Variants in EFCC1 observed in about 807,000 individuals in gnomAD.
EFCC1 encodes the protein EF-hand and coiled-coil domain containing 1.
In EFCC1, 50 loss-of-function variants were observed where a neutral mutation model predicts 52.1. The observed-to-expected ratio is 0.96, with a 90% CI of 0.76 to 1.21. The LOEUF (loss-of-function observed/expected upper bound fraction) is 1.21, where lower values mean the gene tolerates loss of function less well. Ranked by LOEUF, EFCC1 falls within the 50% of genes most tolerant of loss-of-function variation. EFCC1 has a pLI of 0.00. For missense variants in EFCC1, 837 were observed against 867.3 expected (o/e 0.97, Z 0.44); for synonymous variants, 399 against 396.5 (o/e 1.01, Z -0.08).
chr3:129,016,884 G>T (rs909356806), intron 2 of EFCC1, among the ~76,000 whole-genome samples: 3 of 152,198 alleles, frequency 2.0e-5, no homozygotes, highest in Admixed American at 6.5e-5. Context: ...GCTTTATGCT[G>T]CAAGAACATA....
intron 7 of EFCC1, among the ~76,000 whole-genome samples, chr3:129,039,499 C>A (rs180717640): frequency 6.6e-6 from 1 of 152,226 alleles, no homozygotes; most frequent in African/African-American, 2.4e-5. Flanking sequence ...CTGAGCAGTC[C>A]CTGCCCTCAT....
chr3:129,030,869 C>T lies in EFCC1; in HGVS notation c.1138+9C>T, dbSNP rs1214522507. 6.5e-7 allele frequency: 1 copy of T among 1,545,988 alleles called. No individual in the cohort carries two copies. ...CAGAGCCCTGGATGAAGGTTTGTCCCCTGTGCGCCCAGTCTTCCTGCCAGG... is the reference window on the plus strand; with the variant it reads ...CAGAGCCCTGGATGAAGGTTTGTCCTCTGTGCGCCCAGTCTTCCTGCCAGG... On this transcript the variant is annotated intron_variant, in intron 3 of 7. Coordinates refer to ENST00000683648, the MANE Select transcript of EFCC1 (RefSeq NM_001377500.1).
chr3:129,031,863 G>A (rs1036306801), intron 3 of EFCC1, among the ~76,000 whole-genome samples: 6 of 152,182 alleles, frequency 3.9e-5, no homozygotes, highest in African/African-American at 1.4e-4. Flanking sequence ...CAAGTCTTGG[G>A]TTAACTCCAG....
rs576328186 is a variant in EFCC1 at position 129,001,396 on chromosome 3, T to G, written c.-233T>G. On this transcript the variant is annotated 5_prime_UTR_variant, in exon 1 of 8. Transcript: ENST00000683648. ...GACGCCGACCGGGCACTGGTGGCGC[T>G]GCCGGGGTCCCGGGGGTTCCTGGAC... Among the ~76,000 whole-genome samples, 4 of 152,296 alleles carry G rather than the reference T, an allele frequency of 2.6e-5. No individual in the cohort carries two copies. The highest frequency in any genetic ancestry group is 1.3e-4 in the Admixed American group (2 of 15,302).
At chr3:129,035,469 T>A (rs1244719251) in intron 5 of EFCC1, among the ~76,000 whole-genome samples, 1 of 152,338 alleles carries the variant, frequency 6.6e-6, no homozygotes, top group East Asian at 1.9e-4. Context: ...CAGAGGGGCC[T>A]GTTTGGGCTC....
In EFCC1 at chr3:129,003,930, A is replaced by G; in HGVS notation, c.833A>G (p.Gln278Arg). 5 of 1,377,600 alleles carry G rather than the reference A, an allele frequency of 3.6e-6. No homozygotes were observed. The highest frequency in any genetic ancestry group is 4.7e-6 in the Non-Finnish European group (5 of 1,069,504). The allele number at this position is 1,377,600 out of a possible 1,614,324, so 85.3% of individuals were successfully genotyped here. ...CGCGCTGGGCGGCTGCGCCGTGGCC[A>G]GGCCGAGGTGCGGCGGCGCGCGGAG... ...EARAGRLRRG[Q>R]AEVRRRAEEA... The change falls in exon 2 of 8, where the codon CAG becomes CGG. Residue 278 changes from glutamine to arginine, a missense_variant. Physicochemically the swap from Gln to Arg is conservative, Grantham distance 43. Coordinates refer to ENST00000683648, the MANE Select transcript of EFCC1 (RefSeq NM_001377500.1).
intron 5 of EFCC1, among the ~76,000 whole-genome samples, chr3:129,036,093 C>CA (rs1479894451): frequency 6.6e-6 from 1 of 152,192 alleles, no homozygotes. Flanking sequence ...AAGTCATAGC[C>CA]CTGTGGCTGG....
chr3:129,009,850 G>T (rs1428267122), intron 2 of EFCC1, among the ~76,000 whole-genome samples: 1 of 152,218 alleles, frequency 6.6e-6, no homozygotes, highest in Non-Finnish European at 1.5e-5. Context: ...TGGGTGCTTT[G>T]GGAGTGGTTT....
intron 3 of EFCC1, among the ~76,000 whole-genome samples, chr3:129,031,224 G>A (rs1257972515): frequency 2.0e-5 from 3 of 152,188 alleles, no homozygotes; most frequent in African/African-American, 4.8e-5. Flanking sequence ...GAGCTCAGGG[G>A]TTCGAAACCA....
chr3:129,032,684 T>G (rs1278308723), intron 3 of EFCC1, 135 bp from the exon 4 acceptor site: 1 of 1,303,092 alleles, frequency 7.7e-7, no homozygotes, highest in Non-Finnish European at 1.0e-6. Context: ...GAGCCTGGGA[T>G]GTGGGGGTGG....
chr3:129,012,668 C>T (rs959630350), intron 2 of EFCC1, among the ~76,000 whole-genome samples: 2 of 152,134 alleles, frequency 1.3e-5, no homozygotes, highest in African/African-American at 2.4e-5. Flanking sequence ...CACGCTCAAC[C>T]CTGAAGTGGG....
At chr3:129,021,499 G>A (rs369604463) in intron 2 of EFCC1, among the ~76,000 whole-genome samples, 8 of 152,102 alleles carry the variant, frequency 5.3e-5, no homozygotes, top group South Asian at 2.1e-4. Flanking sequence ...GCTTGAACCC[G>A]GGAGGCGGAG....
intron 1 of EFCC1, 41 bp downstream of exon 1, chr3:129,002,365 G>T (rs1326374586): frequency 2.0e-6 from 3 of 1,490,678 alleles, no homozygotes. Context: ...ACGCCCGGGA[G>T]AGGGCTCGAA....
At chr3:129,009,101 T>C (rs867408307) in intron 2 of EFCC1, among the ~76,000 whole-genome samples, 1 of 152,338 alleles carries the variant, frequency 6.6e-6, no homozygotes, top group African/African-American at 2.4e-5. Flanking sequence ...ATTCAATCCC[T>C]GCCCAACCAA....
chr3:129,032,513 T>TAA (rs1168002288), intron 3 of EFCC1, among the ~76,000 whole-genome samples: 2 of 141,250 alleles, frequency 1.4e-5, no homozygotes, highest in Non-Finnish European at 3.1e-5. Context: ...ACCCTGTCTC[T>TAA]AAAAAAAAAA....
intron 2 of EFCC1, among the ~76,000 whole-genome samples, chr3:129,023,469 C>T (rs985327130): frequency 3.3e-5 from 5 of 152,182 alleles, no homozygotes; most frequent in African/African-American, 9.7e-5. Flanking sequence ...GCTGGGACTA[C>T]AGGCGCCCGC....
intron 5 of EFCC1, among the ~76,000 whole-genome samples, chr3:129,036,089 T>C (rs1429629227): frequency 2.6e-5 from 4 of 152,238 alleles, no homozygotes; most frequent in Middle Eastern, 3.2e-3. Flanking sequence ...AGGAAAGTCA[T>C]AGCCCTGTGG....
chr3:129,010,361 G>A lies in EFCC1; in HGVS notation c.980+6284G>A, dbSNP rs1390633607. 6.6e-6 allele frequency among the ~76,000 whole-genome samples: 1 copy of A among 152,238 alleles called. No individual in the cohort carries two copies. The highest frequency in any genetic ancestry group is 6.5e-5 in the Admixed American group (1 of 15,286). On this transcript the variant is annotated intron_variant, in intron 2 of 7. Coordinates refer to ENST00000683648, the MANE Select transcript of EFCC1 (RefSeq NM_001377500.1). This position sits in a 1 kb window ranked among gnomAD's most constrained non-coding sequence, Gnocchi z 4.3. ...CACCGGGGCAGGGCAGGCAGCCTAG[G>A]GCCAGCACCACTGGGCAGGGGCTGG...
intron 2 of EFCC1, among the ~76,000 whole-genome samples, chr3:129,027,796 A>T (rs571331818): frequency 1.3e-5 from 2 of 152,026 alleles, no homozygotes; most frequent in Non-Finnish European, 2.9e-5. Flanking sequence ...TCTACTAAAA[A>T]TACAAAAGTT....
Sources: gnomAD v4.1 joint callset for allele counts (sites outside exome capture counted in the v4.1 genomes callset) on GRCh38, gnomAD v4.1.1 for gene constraint, Gnocchi (gnomAD v3.1) non-coding constraint, MANE v1.5 for transcripts, NCBI Gene and HGNC (gene_info 2026-07-23, HGNC 2026-07-21) for gene names.